Variants in CPQ observed in about 807,000 individuals in gnomAD.
The protein encoded by CPQ is Ser-Met dipeptidase.
Under a neutral mutation model 45.7 loss-of-function variants are expected in CPQ, and 37 were observed. That is an observed-to-expected ratio of 0.81 (90% CI 0.62 to 1.07). The LOEUF (loss-of-function observed/expected upper bound fraction) is 1.07. CPQ is among the 50% of genes least tolerant of loss of function. CPQ has a pLI of 0.00. For missense variants in CPQ, 537 were observed against 572.9 expected (o/e 0.94, Z 0.64); for synonymous variants, 186 against 205.8 (o/e 0.90, Z 0.82).
chr8:96,711,650 A>G (rs1338027995), intron 1 of CPQ, among the ~76,000 whole-genome samples: 1 of 152,130 alleles, frequency 6.6e-6, no homozygotes, highest in Non-Finnish European at 1.5e-5. Flanking sequence ...TCTGGTAAGA[A>G]CTGACTCACT....
chr8:96,652,597 G>C (rs777934498), intron 1 of CPQ, among the ~76,000 whole-genome samples: 3 of 152,122 alleles, frequency 2.0e-5, no homozygotes, highest in African/African-American at 2.4e-5. Flanking sequence ...CATCAACAAT[G>C]TATAAGAGTT....
intron 1 of CPQ, among the ~76,000 whole-genome samples, chr8:96,681,709 C>T (rs1220114945): frequency 6.6e-6 from 1 of 152,188 alleles, no homozygotes; most frequent in African/African-American, 2.4e-5. Context: ...GCACCATGCA[C>T]CTGGAAAAGC....
At chr8:96,768,579 G>A (rs1304352550) in intron 1 of CPQ, among the ~76,000 whole-genome samples, 1 of 152,172 alleles carries the variant, frequency 6.6e-6, no homozygotes, top group African/African-American at 2.4e-5. Context: ...ATTTTAAAAC[G>A]GAATGGTGAA....
chr8:97,043,810 C>A (rs902531927), intron 6 of CPQ, among the ~76,000 whole-genome samples: 1 of 152,154 alleles, frequency 6.6e-6, no homozygotes, highest in Non-Finnish European at 1.5e-5. Flanking sequence ...TGAATATTGG[C>A]CCCCACTCTC....
chr8:96,770,643 A>G (rs1373434288), intron 1 of CPQ, among the ~76,000 whole-genome samples: 1 of 150,964 alleles, frequency 6.6e-6, no homozygotes, highest in African/African-American at 2.4e-5. Flanking sequence ...ATAAAAGTAG[A>G]CACAGTTCTG....
chr8:96,740,218 A>G (rs1488317993), intron 1 of CPQ, among the ~76,000 whole-genome samples: 26 of 151,984 alleles, frequency 1.7e-4, no homozygotes, highest in African/African-American at 5.8e-4. Flanking sequence ...TATTCTTTTT[A>G]AAGCAATTGT....
intron 6 of CPQ, among the ~76,000 whole-genome samples, chr8:97,048,485 A>G (rs1267083809): frequency 6.6e-6 from 1 of 152,218 alleles, no homozygotes; most frequent in Non-Finnish European, 1.5e-5. Flanking sequence ...AGTTTCTAAA[A>G]AAGTGGACTC....
intron 4 of CPQ, among the ~76,000 whole-genome samples, chr8:96,963,601 A>T (rs1364123548): frequency 6.6e-6 from 1 of 152,234 alleles, no homozygotes; most frequent in East Asian, 1.9e-4. Flanking sequence ...TATTTTAATC[A>T]TCAAGAAGAT....
intron 5 of CPQ, among the ~76,000 whole-genome samples, chr8:97,007,665 G>T (rs1396490409): frequency 2.6e-5 from 4 of 152,172 alleles, no homozygotes. Context: ...AACACAGGCA[G>T]CCAGAACACA....
Position 96,935,724 on chromosome 8 carries a change from G to T in CPQ, c.850-30211G>T, listed in dbSNP as rs373573269. On this transcript the variant is annotated intron_variant, in intron 4 of 7. Coordinates refer to ENST00000220763, the MANE Select transcript of CPQ (RefSeq NM_016134.4). ...CAGTGAGGGGGTTAGAGAAGGTGGA[G>T]ATTTTGTATTTCAGGGTTTTTTAGG... is the stretch of plus-strand genomic sequence containing the variant. 1.1e-4 allele frequency among the ~76,000 whole-genome samples: 17 copies of T among 152,280 alleles called. No individual in the cohort carries two copies. In the South Asian group the frequency reaches 3.5e-3, roughly 32 times the overall value.
intron 5 of CPQ, among the ~76,000 whole-genome samples, chr8:96,995,195 A>G (rs943234955): frequency 6.6e-6 from 1 of 152,132 alleles, no homozygotes; most frequent in African/African-American, 2.4e-5. Context: ...ACTCTGTTAA[A>G]TGGGAATTAT....
intron 7 of CPQ, among the ~76,000 whole-genome samples, chr8:97,107,405 G>C (rs1811421493): frequency 6.6e-6 from 1 of 152,244 alleles, no homozygotes. Flanking sequence ...TGAAGGGTGT[G>C]CTTGTGAGGG....
At chr8:96,883,603 A>G (rs955315613) in intron 4 of CPQ, among the ~76,000 whole-genome samples, 6 of 152,212 alleles carry the variant, frequency 3.9e-5, no homozygotes, top group African/African-American at 1.4e-4. Context: ...GGGAATCTGC[A>G]TTCTAGCTGG....
chr8:96,882,817 A>G (rs1360504688), intron 4 of CPQ, among the ~76,000 whole-genome samples: 1 of 150,864 alleles, frequency 6.6e-6, no homozygotes, highest in African/African-American at 2.4e-5. Flanking sequence ...AAATCAACCA[A>G]TCTAATGTAC....
At chr8:97,038,681 G>C (rs904996068) in intron 6 of CPQ, among the ~76,000 whole-genome samples, 2 of 151,774 alleles carry the variant, frequency 1.3e-5, no homozygotes, top group African/African-American at 4.8e-5. Flanking sequence ...TCAGGGGTTG[G>C]CAAACTTTTT....
At chr8:96,932,539 G>A (rs1462469701) in intron 4 of CPQ, among the ~76,000 whole-genome samples, 1 of 152,062 alleles carries the variant, frequency 6.6e-6, no homozygotes, top group Non-Finnish European at 1.5e-5. Context: ...TGCTCTAAAT[G>A]CCACTTTACT....
chr8:96,808,587 G>A (rs62507346), intron 2 of CPQ, among the ~76,000 whole-genome samples: 73,774 of 151,970 alleles, frequency 0.49, 20,887 homozygotes, highest in East Asian at 0.88. Context: ...TCATGTTAAG[G>A]CATGTAGGAG....
chr8:96,980,031 A>T (rs576605211), intron 5 of CPQ, among the ~76,000 whole-genome samples: 152 of 152,254 alleles, frequency 1.0e-3, no homozygotes, highest in African/African-American at 3.6e-3. Flanking sequence ...GGCAGCATGG[A>T]TAGTAGAATA....
intron 3 of CPQ, among the ~76,000 whole-genome samples, chr8:96,857,215 G>C (rs541316489): frequency 6.6e-6 from 1 of 152,202 alleles, no homozygotes; most frequent in African/African-American, 2.4e-5. Flanking sequence ...AAGGTCACTA[G>C]AGAAGAAATG....
Sources: allele counts gnomAD v4.1 joint callset (sites outside exome capture counted in the v4.1 genomes callset), GRCh38; gene constraint gnomAD v4.1.1; transcripts MANE v1.5; gene names NCBI Gene and HGNC (gene_info 2026-07-23, HGNC 2026-07-21).